ACE: variants seen among roughly 807,000 people sequenced by gnomAD.
The protein encoded by ACE is angiotensin I converting enzyme.
Under a neutral mutation model 162.3 loss-of-function variants are expected in ACE, and 122 were observed. That is an observed-to-expected ratio of 0.75 (90% CI 0.65 to 0.87). ACE has a LOEUF of 0.87. Among genes scored for constraint, ACE ranks in the 40% least tolerant of loss-of-function variants. The probability of loss-of-function intolerance (pLI) is 0.00; values close to 1 mark genes in which losing one functional copy is unlikely to be tolerated. For synonymous variants in ACE, 796 were observed against 720.6 expected (o/e 1.10, Z -1.68); for missense variants, 1,799 against 1,735.1 (o/e 1.04, Z -0.65).
Position 63,477,360 on chromosome 17 carries a change from G to C in ACE, c.249+17G>C. ...AGGCGCCAGGTGGGCGCCCGGGCCC[G>C]GGCGGGGGCGGGGCGGGGCCGCGGC... is the stretch of plus-strand genomic sequence containing the variant. On this transcript the variant is annotated intron_variant, in intron 1 of 24. Transcript: ENST00000290866. 7.9e-7 allele frequency: 1 copy of C among 1,261,162 alleles called. No individual in the cohort carries two copies. The highest frequency in any genetic ancestry group is 1.0e-6 in the Non-Finnish European group (1 of 998,176). The allele number at this position is 1,261,162 out of a possible 1,614,324, so 78.1% of individuals were successfully genotyped here.
chr17:63,477,307 C>T lies in ACE; in HGVS notation c.213C>T (p.His71=). 4 of 1,432,006 alleles carry T rather than the reference C, an allele frequency of 2.8e-6. No individual in the cohort carries two copies. Among genetic ancestry groups the T allele is most frequent in the South Asian group, 2.8e-5 (2 of 70,930 alleles). The allele number at this position is 1,432,006 out of a possible 1,614,324, so 88.7% of individuals were successfully genotyped here. A position where few individuals can be genotyped will look rare whatever the true frequency, so the allele number is the denominator to read the frequency against. Residue 71 remains histidine (H), a synonymous_variant, in exon 1 of 25, where the codon CAC becomes CAT. Transcript: ENST00000290866. ...AGAGCGTGGCCGCCAGCTGGGCGCA[C>T]GACACCAACATCACCGCGGAGAATG... is the stretch of plus-strand genomic sequence containing the variant. ...LFQSVAASWA[H]DTNITAENAR...
chr17:63,480,614 G>A, intron 5 of ACE, 86 bp downstream of exon 5: 2 of 1,481,460 alleles, frequency 1.4e-6, no homozygotes, highest in Non-Finnish European at 1.9e-6. Context: ...GTAAGGGAAG[G>A]TGGGTTGTGA....
At chr17:63,495,236 G>A (rs1469593821) in intron 22 of ACE, among the ~76,000 whole-genome samples, 1 of 152,178 alleles carries the variant, frequency 6.6e-6, no homozygotes, top group Admixed American at 6.5e-5. Context: ...CTCCTTCTGT[G>A]TGCCCCGGGA....
In ACE at chr17:63,477,944, TGCTCAGCCA is replaced by T; in HGVS notation, c.265_273del (p.Leu89_Gln91del). The T allele has an allele frequency of 6.2e-7, 1 of 1,611,266 alleles. No individual in the cohort carries two copies. The highest frequency in any genetic ancestry group is 1.1e-5 in the South Asian group (1 of 90,448). ...GGTGCCCAATAGGAGGAAGCAGCCC[TGCTCAGCCA>T]GGAGTTTGCGGAGGCCTGGGGCCAG... is the stretch of plus-strand genomic sequence containing the variant. On this transcript the variant is annotated inframe_deletion, in exon 2 of 25. Coordinates refer to ENST00000290866, the MANE Select transcript of ACE (RefSeq NM_000789.4).
At chr17:63,490,113 C>T (rs1406909440) in intron 17 of ACE, 1 of 152,578 alleles carries the variant, frequency 6.6e-6, no homozygotes, top group African/African-American at 2.4e-5. Flanking sequence ...TCCCTCTTCT[C>T]TCTCATGTTC....
chr17:63,479,950 T>C (rs1244203862), intron 4 of ACE, 38 bp downstream of exon 4: 5 of 1,584,946 alleles, frequency 3.2e-6, no homozygotes, highest in Non-Finnish European at 4.3e-6. Context: ...CCACGCCAGG[T>C]GTCCTCTCTC....
chr17:63,496,689 G>T, intron 23 of ACE, 109 bp from the exon 24 acceptor site: 1 of 1,581,008 alleles, frequency 6.3e-7, no homozygotes, highest in Non-Finnish European at 8.7e-7. Context: ...GGAGCCCTGG[G>T]GCCCTGGGAC....
rs113462564 is a variant in ACE, at chr17:63,484,729, C to T, written c.1921+188C>T. 5.5e-6 allele frequency: 8 copies of T among 1,456,540 alleles called. No homozygotes were observed. The highest frequency in any genetic ancestry group is 4.2e-5 in the African/African-American group (3 of 70,706). The allele number at this position is 1,456,540 out of a possible 1,614,324, so 90.2% of individuals were successfully genotyped here. On this transcript the variant is annotated intron_variant, in intron 12 of 24. Coordinates refer to ENST00000290866, the MANE Select transcript of ACE (RefSeq NM_000789.4). The surrounding 1 kb of genome is among the most constrained non-coding windows in gnomAD (Gnocchi z 4.0). ...GACAGGCATGTCTTTCCCCCAGCAT[C>T]CTAGAGAGGGTGTGCTCAGACCTGA...
Position 63,497,428 on chromosome 17 carries a change from TG to T in ACE, c.*64del. The T allele has an allele frequency of 6.9e-7, 1 of 1,442,996 alleles. No homozygotes were observed. The allele number at this position is 1,442,996 out of a possible 1,614,324, so 89.4% of individuals were successfully genotyped here. A position where few individuals can be genotyped will look rare whatever the true frequency, so the allele number is the denominator to read the frequency against. On this transcript the variant is annotated 3_prime_UTR_variant, in exon 25 of 25. Coordinates refer to ENST00000290866, the MANE Select transcript of ACE (RefSeq NM_000789.4). ...CCACCAGAGACTGGGATGGGAACAC[TG>T]GTGGGCAGCTGAGGACACACCCCAC...
intron 10 of ACE, 47 bp from the exon 11 acceptor site, chr17:63,483,802 T>C (rs753923047): frequency 1.2e-6 from 2 of 1,613,272 alleles, no homozygotes; most frequent in East Asian, 4.5e-5. Flanking sequence ...GGAACCCCTG[T>C]TCCTGGCCCC....
rs1192170208 is a variant in ACE at position 63,482,727 on chromosome 17, T to A, written c.1342+38T>A. On this transcript the variant is annotated intron_variant, in intron 8 of 24. Coordinates refer to ENST00000290866, the MANE Select transcript of ACE (RefSeq NM_000789.4). ...TGAGAGGCCCCCACCCAGCCTCACC[T>A]AAACCCCGCTCCACCCCACAGCAGG... 2.5e-6 allele frequency: 4 copies of A among 1,590,968 alleles called. No individual in the cohort carries two copies. In the Admixed American group the frequency reaches 6.7e-5, roughly 27 times the overall value.
intron 17 of ACE, among the ~76,000 whole-genome samples, chr17:63,489,366 GGAA>G (rs1438465061): frequency 6.6e-6 from 1 of 152,220 alleles, no homozygotes; most frequent in Non-Finnish European, 1.5e-5. Context: ...CATGGATGGG[GGAA>G]GAAGTTAATA....
intron 2 of ACE, 128 bp from the exon 3 acceptor site, chr17:63,478,879 G>A: frequency 1.3e-6 from 1 of 757,518 alleles, no homozygotes; most frequent in South Asian, 1.5e-5. Flanking sequence ...GATCAGAAGT[G>A]CCCCGGTGCC....
intron 7 of ACE, among the ~76,000 whole-genome samples, chr17:63,482,067 C>T (rs1481123845): frequency 2.0e-5 from 3 of 152,112 alleles, no homozygotes; most frequent in Non-Finnish European, 4.4e-5. Flanking sequence ...GAGGTCAAGG[C>T]GGGTGGATCA....
chr17:63,486,965 T>C (rs2029989910), intron 14 of ACE, 21 bp from the exon 15 acceptor site: 1 of 1,602,080 alleles, frequency 6.2e-7, no homozygotes, highest in African/African-American at 1.3e-5. Context: ...TACAGCTCAT[T>C]GCCTCTCCTT....
intron 1 of ACE, 82 bp downstream of exon 1, chr17:63,477,425 G>T: frequency 1.1e-5 from 12 of 1,103,852 alleles, no homozygotes; most frequent in Non-Finnish European, 1.3e-5. Flanking sequence ...GGGCGGGCAG[G>T]CTGGCGCCCC....
chr17:63,493,343 T>G, intron 19 of ACE, 93 bp from the exon 20 acceptor site: 2 of 1,237,022 alleles, frequency 1.6e-6, no homozygotes, highest in Non-Finnish European at 2.4e-6. Flanking sequence ...TGCTGGGGTC[T>G]GCCCTGGGTA....
intron 15 of ACE, among the ~76,000 whole-genome samples, chr17:63,487,466 C>T (rs898817682): frequency 6.6e-6 from 1 of 152,152 alleles, no homozygotes; most frequent in Admixed American, 6.6e-5. Context: ...TCCTCACCTT[C>T]TCTGTCTTTC....
In ACE at chr17:63,480,357, T is replaced by C. The variant is rs756638375; in HGVS notation, c.676T>C (p.Tyr226His). The C allele has an allele frequency of 3.1e-6, 5 of 1,613,976 alleles. No individual in the cohort carries two copies. The highest frequency in any genetic ancestry group is 4.2e-6 in the Non-Finnish European group (5 of 1,180,014). The change falls in exon 5 of 25, where the codon TAC becomes CAC. Residue 226 changes from tyrosine to histidine, a missense_variant. Transcript: ENST00000290866. ...CCCAGGCTTCACAGACACGGGGGCC[T>C]ACTGGCGCTCCTGGTACAACTCCCC... is the stretch of plus-strand genomic sequence containing the variant. ...KQDGFTDTGA[Y>H]WRSWYNSPTF...
Sources: gnomAD v4.1 joint callset for allele counts (sites outside exome capture counted in the v4.1 genomes callset) on GRCh38, gnomAD v4.1.1 for gene constraint, Gnocchi (gnomAD v3.1) non-coding constraint, MANE v1.5 for transcripts, NCBI Gene and HGNC (gene_info 2026-07-23, HGNC 2026-07-21) for gene names.